Variants in R3HDM1 observed in about 807,000 individuals in gnomAD.
The protein encoded by R3HDM1 is R3H domain containing 1.
Under a neutral mutation model 141.1 loss-of-function variants are expected in R3HDM1, and 46 were observed. The observed-to-expected ratio is 0.33, with a 90% CI of 0.26 to 0.42. R3HDM1 has a LOEUF of 0.42. Ranked by LOEUF, R3HDM1 falls within the 10% of genes least tolerant of loss-of-function variation. R3HDM1 has a pLI of 1.00. For synonymous variants in R3HDM1, 435 were observed against 472.9 expected, an observed-to-expected ratio of 0.92 and a Z score of 1.04; for missense variants, 1,184 against 1,368.3, an observed-to-expected ratio of 0.87 and a Z score of 2.12.
intron 1 of R3HDM1, among the ~76,000 whole-genome samples, chr2:135,554,297 A>T (rs59208965): frequency 0.093 from 14,202 of 152,236 alleles, 912 homozygotes; most frequent in South Asian, 0.31. Flanking sequence ...TGGATGCTTT[A>T]TTTAGCATAA....
At chr2:135,677,257 G>T (rs2069354622) in intron 20 of R3HDM1, among the ~76,000 whole-genome samples, 1 of 152,116 alleles carries the variant, frequency 6.6e-6, no homozygotes, top group Non-Finnish European at 1.5e-5. Flanking sequence ...ATCTACAAAA[G>T]AAAGAAAAGA....
At chr2:135,586,519 A>T (rs776181047) in intron 1 of R3HDM1, 2 of 186,128 alleles carry the variant, frequency 1.1e-5, no homozygotes, top group African/African-American at 2.4e-5. Flanking sequence ...ATGTGACTCA[A>T]TTCTTTTGCT....
At position 135,666,106 on chromosome 2, in the gene R3HDM1, A is replaced by G. The variant is rs75109631; in HGVS notation, c.2152+4713A>G. On this transcript the variant is annotated intron_variant, in intron 19 of 26. Transcript: ENST00000683871. The stretch of plus-strand genomic sequence containing the variant: ...GATTAAGCTTTGTTACCAGCAGACT[A>G]TGGTAGGATCCTGATGAACGACACT... Among the ~76,000 whole-genome samples, 241 of 152,302 alleles carry G rather than the reference A, an allele frequency of 1.6e-3. 6 individuals carry two copies. In the East Asian group the frequency reaches 0.043, roughly 27 times the overall value.
At chr2:135,536,662 T>G (rs1253095137) in intron 1 of R3HDM1, 1 of 937,288 alleles carries the variant, frequency 1.1e-6, no homozygotes, top group African/African-American at 1.8e-5. Context: ...GTCACAACAT[T>G]AGTTTGATGA....
chr2:135,621,692 T>C, intron 6 of R3HDM1, 84 bp downstream of exon 6: 1 of 1,377,088 alleles, frequency 7.3e-7, no homozygotes, highest in Non-Finnish European at 9.5e-7. Context: ...TTATATATAG[T>C]ATATCTTTAT....
At chr2:135,628,408 C>T (rs559092511) in intron 7 of R3HDM1, among the ~76,000 whole-genome samples, 4 of 152,066 alleles carry the variant, frequency 2.6e-5, no homozygotes, top group South Asian at 4.1e-4. Context: ...TATAGATGTA[C>T]GTCTTAAGGG....
Position 135,724,313 on chromosome 2 carries a change from G to A in R3HDM1, c.*21G>A, listed in dbSNP as rs753747858. The A allele has an allele frequency of 1.5e-5, 23 of 1,534,610 alleles. No homozygotes were observed. In the East Asian group the frequency reaches 2.6e-4, roughly 17 times the overall value. On this transcript the variant is annotated 3_prime_UTR_variant, in exon 27 of 27. Coordinates refer to ENST00000683871, the MANE Select transcript of R3HDM1 (RefSeq NM_001378107.1). ...AGTAACAGCCACCTTTGGACCCTTC[G>A]CCTTTATGGTTCCCCTGCCCTCTCC...
At chr2:135,655,003 T>TCTTTTTAG (rs1334306152) in intron 18 of R3HDM1, among the ~76,000 whole-genome samples, 1 of 152,082 alleles carries the variant, frequency 6.6e-6, no homozygotes, top group Non-Finnish European at 1.5e-5. Context: ...TTCTGTAAAA[T>TCTTTTTAG]TGTCTTTTTA....
chr2:135,571,150 C>G (rs1406733018), intron 1 of R3HDM1, among the ~76,000 whole-genome samples: 1 of 151,836 alleles, frequency 6.6e-6, no homozygotes, highest in East Asian at 1.9e-4. Flanking sequence ...TCAAGTATGT[C>G]AGATTCAGAT....
intron 23 of R3HDM1, among the ~76,000 whole-genome samples, chr2:135,713,706 C>T (rs1033516211): frequency 6.6e-6 from 1 of 152,064 alleles, no homozygotes; most frequent in Non-Finnish European, 1.5e-5. Context: ...TTAAAAGGAA[C>T]TAGGGCTCCT....
At chr2:135,615,694 G>A (rs2060960768) in intron 3 of R3HDM1, among the ~76,000 whole-genome samples, 1 of 152,086 alleles carries the variant, frequency 6.6e-6, no homozygotes, top group South Asian at 2.1e-4. Context: ...ATTTGTGGTT[G>A]GACTCTGACT....
chr2:135,709,383 GT>G, intron 21 of R3HDM1, 49 bp from the exon 22 acceptor site: 2 of 1,609,228 alleles, frequency 1.2e-6, no homozygotes, highest in Non-Finnish European at 8.5e-7. Flanking sequence ...ATTCAAGAAT[GT>G]TTATAGTCAT....
chr2:135,610,321 C>T (rs2060424689), intron 3 of R3HDM1, among the ~76,000 whole-genome samples: 1 of 152,156 alleles, frequency 6.6e-6, no homozygotes, highest in Admixed American at 6.5e-5. Flanking sequence ...GATAGGGAGT[C>T]CACATTGTGT....
At chr2:135,596,085 G>A (rs559987612) in intron 1 of R3HDM1, among the ~76,000 whole-genome samples, 25 of 152,144 alleles carry the variant, frequency 1.6e-4, no homozygotes, top group Admixed American at 3.9e-4. Flanking sequence ...TGCAACCTCC[G>A]CCTCCCAGGC....
At chr2:135,620,635 G>T (rs1311748721) in intron 5 of R3HDM1, 1 of 978,502 alleles carries the variant, frequency 1.0e-6, no homozygotes, top group Non-Finnish European at 1.2e-6. Flanking sequence ...TAGAACAACA[G>T]TATAATTTAG....
At chr2:135,642,584 TAGCATAGCCC>T (rs2063916953) in intron 15 of R3HDM1, among the ~76,000 whole-genome samples, 1 of 152,208 alleles carries the variant, frequency 6.6e-6, no homozygotes, top group African/African-American at 2.4e-5. Flanking sequence ...CTCTTCAAGA[TAGCATAGCCC>T]AGTCATTTGG....
At chr2:135,534,053 C>T in intron 1 of R3HDM1, 1 of 981,970 alleles carries the variant, frequency 1.0e-6, no homozygotes, top group Non-Finnish European at 1.2e-6. Context: ...CTGAAGAGTA[C>T]CATGGGTGTA....
At chr2:135,534,681 A>C (rs1213297358) in intron 1 of R3HDM1, among the ~76,000 whole-genome samples, 2 of 152,242 alleles carry the variant, frequency 1.3e-5, no homozygotes, top group African/African-American at 4.8e-5. Flanking sequence ...GGGCCTCCGA[A>C]GTCATTGAAC....
rs2059629043 is a variant in R3HDM1, at chr2:135,601,674, G to A, written c.-249-826G>A. 3.3e-5 allele frequency among the ~76,000 whole-genome samples: 5 copies of A among 152,114 alleles called. No homozygotes were observed. In the South Asian group the frequency reaches 1.0e-3, roughly 32 times the overall value. On this transcript the variant is annotated intron_variant, in intron 1 of 26. Transcript: ENST00000683871. ...ACATGGAGAAAATTTTGTATTTGGG[G>A]ATTTTTGTTTTGTTTTGTTTTGTTT...
Sources: gnomAD v4.1 joint callset for allele counts (sites outside exome capture counted in the v4.1 genomes callset) on GRCh38, gnomAD v4.1.1 for gene constraint, MANE v1.5 for transcripts, NCBI Gene and HGNC (gene_info 2026-07-23, HGNC 2026-07-21) for gene names.